The following ASIC2 variants were observed in gnomAD, a reference collection of about 807,000 sequenced individuals.
ASIC2 encodes acid-sensing ion channel 2.
In ASIC2, 25 loss-of-function variants were observed where a neutral mutation model predicts 57.3. The observed-to-expected ratio is 0.44, with a 90% CI of 0.32 to 0.61. The LOEUF is 0.61. Ranked by LOEUF, ASIC2 falls within the 20% of genes least tolerant of loss-of-function variation. The pLI, the probability that ASIC2 is intolerant of heterozygous loss-of-function variation, is 0.06. For synonymous variants in ASIC2, 319 were observed against 307.5 expected (o/e 1.04, Z -0.39); for missense variants, 641 against 738.1 (o/e 0.87, Z 1.52).
At chr17:34,043,047 G>A (rs1908196600) in intron 1 of ASIC2, among the ~76,000 whole-genome samples, 1 of 152,124 alleles carries the variant, frequency 6.6e-6, no homozygotes, top group African/African-American at 2.4e-5. Flanking sequence ...AGAATACATA[G>A]TGCATGATTT....
At chr17:34,010,975 C>CACACACACAG (rs1906699214) in intron 1 of ASIC2, among the ~76,000 whole-genome samples, 1 of 3,172 alleles carries the variant, frequency 3.2e-4, no homozygotes, top group African/African-American at 2.1e-3. Flanking sequence ...CATGCACACG[C>CACACACACAG]ACACACACAT....
At chr17:33,906,979 A>G (rs958584449) in intron 1 of ASIC2, among the ~76,000 whole-genome samples, 1 of 152,062 alleles carries the variant, frequency 6.6e-6, no homozygotes, top group African/African-American at 2.4e-5. Context: ...GTCTCCTTTC[A>G]ATCAGCTGAA....
At chr17:34,125,004 A>G (rs1027711621) in intron 1 of ASIC2, among the ~76,000 whole-genome samples, 1 of 149,842 alleles carries the variant, frequency 6.7e-6, no homozygotes, top group African/African-American at 2.5e-5. Context: ...CAGGACTTCT[A>G]TGTATGTCAT....
chr17:33,476,503 G>GTATATATATA (rs1567624821), intron 1 of ASIC2, among the ~76,000 whole-genome samples: 1 of 95,282 alleles, frequency 1.0e-5, no homozygotes, highest in Non-Finnish European at 2.1e-5. Context: ...GTGTGTGTGT[G>GTATATATATA]CATATATATA....
Position 33,643,144 on chromosome 17 carries a change from AT to A in ASIC2, c.555+512833del, listed in dbSNP as rs1418038846. ...TGTATTTTATCATTCTCACATGCTC[AT>A]TTCCCCCCCCCCACATTTGAACATC... On this transcript the variant is annotated intron_variant, in intron 1 of 9. Transcript: ENST00000359872. 1.8e-4 allele frequency among the ~76,000 whole-genome samples: 11 copies of A among 60,538 alleles called. 1 individual carries two copies. The highest frequency in any genetic ancestry group is 5.8e-3 in the Middle Eastern group (1 of 172). The allele number at this position is 60,538 out of a possible 152,430, so 39.7% of individuals were successfully genotyped here.
chr17:33,913,159 G>A lies in ASIC2; in HGVS notation c.555+242819C>T, dbSNP rs780781845. Reference sequence around the variant, plus strand: ...TCTTTATTTGGGCTTACAAGGAGCCGGGACTATTTGGTACCTTAAGGGTTT... The same window carrying A: ...TCTTTATTTGGGCTTACAAGGAGCCAGGACTATTTGGTACCTTAAGGGTTT... On this transcript the variant is annotated intron_variant, in intron 1 of 9. Coordinates refer to the ASIC2 transcript ENST00000359872. Among the ~76,000 whole-genome samples, 13 of 151,854 alleles carry A rather than the reference G, an allele frequency of 8.6e-5. No individual in the cohort carries two copies. In the East Asian group the frequency reaches 1.7e-3, roughly 20 times the overall value.
At chr17:33,940,731 C>A (rs978870860) in intron 1 of ASIC2, among the ~76,000 whole-genome samples, 8 of 152,198 alleles carry the variant, frequency 5.3e-5, no homozygotes, top group Non-Finnish European at 1.0e-4. Context: ...CAAATTGAGA[C>A]AAGACTGTTA....
intron 1 of ASIC2, among the ~76,000 whole-genome samples, chr17:33,719,978 C>A (rs1262454186): frequency 6.6e-6 from 1 of 152,178 alleles, no homozygotes; most frequent in African/African-American, 2.4e-5. Flanking sequence ...AACTTCTGGG[C>A]TCAAGTGATA....
intron 1 of ASIC2, among the ~76,000 whole-genome samples, chr17:33,498,184 G>C (rs1379572652): frequency 6.6e-6 from 1 of 152,248 alleles, no homozygotes; most frequent in Non-Finnish European, 1.5e-5. Context: ...TCACTCGTGT[G>C]TCTGTTGTGC....
rs1428092185 is a variant in ASIC2, at chr17:33,504,219, T to C, written c.556-392152A>G. Among the ~76,000 whole-genome samples the C allele has an allele frequency of 2.0e-5, 3 of 152,246 alleles. No homozygotes were observed. The East Asian group carries it at 5.8e-4, about 29-fold the overall frequency. ...CTTTCTTCTCTCCTGGGCATACTTG[T>C]ATGGTACTGCCCACAGCTAAACACT... On this transcript the variant is annotated intron_variant, in intron 1 of 9. Coordinates refer to the ASIC2 transcript ENST00000359872.
chr17:33,943,762 C>T (rs1916245888), intron 1 of ASIC2, among the ~76,000 whole-genome samples: 2 of 150,850 alleles, frequency 1.3e-5, no homozygotes, highest in South Asian at 4.2e-4. Context: ...CTGCTGTACA[C>T]ACCAGGCCTT....
intron 2 of ASIC2, among the ~76,000 whole-genome samples, chr17:33,101,288 G>T (rs1021442772): frequency 6.6e-6 from 1 of 152,176 alleles, no homozygotes; most frequent in Non-Finnish European, 1.5e-5. Context: ...CGTGATAGCT[G>T]CTCAGGCCTT....
At chr17:33,162,559 G>A (rs1417813130) in intron 1 of ASIC2, among the ~76,000 whole-genome samples, 3 of 152,096 alleles carry the variant, frequency 2.0e-5, no homozygotes, top group Admixed American at 6.5e-5. Flanking sequence ...CCCACTCCCA[G>A]CTGTAGGCTG....
At chr17:33,698,392 A>T (rs1268069148) in intron 1 of ASIC2, among the ~76,000 whole-genome samples, 1 of 152,156 alleles carries the variant, frequency 6.6e-6, no homozygotes, top group Non-Finnish European at 1.5e-5. Flanking sequence ...TGTGTGTGAA[A>T]TGCTTAGAAC....
chr17:33,611,283 G>T (rs771065134), intron 1 of ASIC2, among the ~76,000 whole-genome samples: 2 of 152,092 alleles, frequency 1.3e-5, no homozygotes, highest in African/African-American at 2.4e-5. Flanking sequence ...ACTGGTTTTG[G>T]CTCCAGAAAC....
At chr17:34,074,047 T>C (rs1221683484) in intron 1 of ASIC2, among the ~76,000 whole-genome samples, 1 of 152,184 alleles carries the variant, frequency 6.6e-6, no homozygotes, top group Non-Finnish European at 1.5e-5. Flanking sequence ...CACTGGCTCT[T>C]AGACCAAGAT....
intron 1 of ASIC2, among the ~76,000 whole-genome samples, chr17:33,596,688 CTTCCTT>C (rs936293529): frequency 9.2e-5 from 14 of 152,190 alleles, no homozygotes; most frequent in African/African-American, 1.7e-4. Context: ...CTCCCTCCTC[CTTCCTT>C]TTCCTTCATC....
intron 1 of ASIC2, among the ~76,000 whole-genome samples, chr17:33,555,450 A>T (rs1915879494): frequency 6.6e-6 from 1 of 152,262 alleles, no homozygotes; most frequent in Admixed American, 6.5e-5. Flanking sequence ...GTATGAAGAT[A>T]ACTGTTCTTT....
chr17:33,477,967 G>A (rs1219464804), intron 1 of ASIC2, among the ~76,000 whole-genome samples: 2 of 152,240 alleles, frequency 1.3e-5, no homozygotes, highest in Non-Finnish European at 2.9e-5. Context: ...GATGAAGCAG[G>A]AGTAGCTAGT....
Sources: gnomAD v4.1 joint callset for allele counts (sites outside exome capture counted in the v4.1 genomes callset) on GRCh38, gnomAD v4.1.1 for gene constraint, MANE v1.5 for transcripts, NCBI Gene and HGNC (gene_info 2026-07-23, HGNC 2026-07-21) for gene names.